DRC1: variants seen among roughly 807,000 people sequenced by gnomAD.
The protein encoded by DRC1 is dynein regulatory complex subunit 1, also known as dynein regulatory complex protein 1.
A neutral mutation model predicts 98.7 loss-of-function variants in DRC1; 74 were observed. The ratio of observed to expected loss-of-function variants is 0.75; its 90% confidence interval spans 0.62 to 0.91. The LOEUF (loss-of-function observed/expected upper bound fraction) is 0.91, where lower values mean the gene tolerates loss of function less well. Ranked by LOEUF, DRC1 falls within the 40% of genes least tolerant of loss-of-function variation. The pLI is 0.00. For missense variants in DRC1, 875 were observed against 886.0 expected (o/e 0.99, Z 0.16); for synonymous variants, 336 against 334.1 (o/e 1.01, Z -0.06).
chr2:26,406,235 T>C (rs1028236263), intron 1 of DRC1, among the ~76,000 whole-genome samples: 7 of 152,238 alleles, frequency 4.6e-5, no homozygotes, highest in African/African-American at 1.2e-4. Flanking sequence ...ATTTTACTAC[T>C]GACATTGTTT....
intron 4 of DRC1, among the ~76,000 whole-genome samples, chr2:26,427,332 T>A (rs1336898906): frequency 6.6e-6 from 1 of 152,104 alleles, no homozygotes; most frequent in East Asian, 1.9e-4. Flanking sequence ...CCAAGTCTGG[T>A]CTCAAACTCC....
chr2:26,409,687 A>T (rs1235633798), intron 1 of DRC1, among the ~76,000 whole-genome samples: 1 of 152,256 alleles, frequency 6.6e-6, no homozygotes, highest in African/African-American at 2.4e-5. Context: ...TCAAAGTTCT[A>T]AAATTACATG....
At chr2:26,430,958 C>CTTTTTT (rs5830013) in intron 6 of DRC1, 86 bp downstream of exon 6, 15 of 344,798 alleles carry the variant, frequency 4.4e-5, no homozygotes, top group Non-Finnish European at 5.5e-5. Context: ...CTTTTTCTAT[C>CTTTTTT]TTTTTTTTTT....
chr2:26,430,833 G>T lies in DRC1; in HGVS notation c.726G>T (p.Lys242Asn). ...ERQELLASNK[K>N]KWEQALQAHN... ...AAGAGCTACTGGCCAGTAATAAGAA[G>T]AAATGGGAGCAAGCCCTTCAGGCTC... The change falls in exon 6 of 17, where the codon AAG becomes AAT. Residue 242 changes from lysine to asparagine, a missense_variant. Physicochemically the swap from Lys to Asn is moderately conservative, Grantham distance 94 (BLOSUM62 0). Transcript: ENST00000288710. 6.2e-7 allele frequency: 1 copy of T among 1,614,066 alleles called. No individual in the cohort carries two copies. Among genetic ancestry groups the T allele is most frequent in the Non-Finnish European group, 8.5e-7 (1 of 1,179,958 alleles).
rs369439332 is a variant in DRC1 at position 26,431,873 on chromosome 2, T to C, written c.766-11T>C. The C allele has an allele frequency of 6.8e-6, 11 of 1,613,178 alleles. No homozygotes were observed. The African/African-American group carries it at 1.2e-4, about 18-fold the overall frequency. On this transcript the variant is annotated splice_polypyrimidine_tract_variant and intron_variant, in intron 6 of 16. Coordinates refer to ENST00000288710, the MANE Select transcript of DRC1 (RefSeq NM_145038.5). ...GTCCCTAACTTTTCCCTTGTCTTCC[T>C]GTGCCTTTAGCTGGAGTATCTTAAC... is the stretch of plus-strand genomic sequence containing the variant.
At chr2:26,453,703 A>G (rs916618847) in intron 14 of DRC1, among the ~76,000 whole-genome samples, 154 bp downstream of exon 14, 6 of 152,212 alleles carry the variant, frequency 3.9e-5, no homozygotes, top group Admixed American at 1.3e-4. Flanking sequence ...GGGGCAACCA[A>G]TCGCTGGACA....
intron 3 of DRC1, among the ~76,000 whole-genome samples, 191 bp downstream of exon 3, chr2:26,421,591 G>A (rs543469219): frequency 1.1e-4 from 13 of 121,438 alleles, no homozygotes; most frequent in African/African-American, 3.5e-4. Flanking sequence ...ACAGAGTTTC[G>A]CTCTTGTTGC....
At chr2:26,428,772 T>A (rs955154060) in intron 4 of DRC1, among the ~76,000 whole-genome samples, 1 of 151,518 alleles carries the variant, frequency 6.6e-6, no homozygotes, top group African/African-American at 2.4e-5. Context: ...CACTCCAGCC[T>A]GGGCAACAGA....
intron 2 of DRC1, among the ~76,000 whole-genome samples, chr2:26,418,553 A>T (rs1678893226): frequency 2.7e-5 from 3 of 111,770 alleles, no homozygotes; most frequent in South Asian, 2.4e-4. Context: ...TAAATTATAT[A>T]TAATTTATAT....
At chr2:26,405,661 T>G (rs1200845812) in intron 1 of DRC1, among the ~76,000 whole-genome samples, 1 of 138,124 alleles carries the variant, frequency 7.2e-6, no homozygotes, top group Non-Finnish European at 1.6e-5. Context: ...ATCTTTTTTT[T>G]TTTTTTTTTT....
At chr2:26,443,866 G>C (rs899545178) in intron 8 of DRC1, among the ~76,000 whole-genome samples, 1 of 152,072 alleles carries the variant, frequency 6.6e-6, no homozygotes, top group Non-Finnish European at 1.5e-5. Context: ...CAATGAAATC[G>C]TTGAGATAGA....
intron 12 of DRC1, 114 bp downstream of exon 12, chr2:26,450,199 C>A: frequency 1.0e-6 from 1 of 958,176 alleles, no homozygotes; most frequent in South Asian, 1.5e-5. Flanking sequence ...GGGGCTTCCC[C>A]TGCTCCCTGT....
intron 1 of DRC1, among the ~76,000 whole-genome samples, chr2:26,406,876 G>T (rs1172084413): frequency 2.1e-5 from 3 of 141,690 alleles, no homozygotes; most frequent in Non-Finnish European, 4.5e-5. Flanking sequence ...GGAATGCAGT[G>T]GTGTGACCTT....
rs1036668603 is a variant in DRC1 at position 26,421,392 on chromosome 2, G to A, written c.348G>A (p.Lys116=). ...IHRRVEEEEI[K]RQRIEKLENE... ...GGAGAGTCGAAGAAGAGGAGATAAAGCGTCAAAGGTAAGGACTGTGCTACT... is the reference window on the plus strand; with the variant it reads ...GGAGAGTCGAAGAAGAGGAGATAAAACGTCAAAGGTAAGGACTGTGCTACT... Residue 116 remains lysine, a synonymous_variant, in exon 3 of 17, where the codon AAG becomes AAA. Coordinates refer to ENST00000288710, the MANE Select transcript of DRC1 (RefSeq NM_145038.5). The A allele has an allele frequency of 3.7e-6, 6 of 1,612,824 alleles. No homozygotes were observed. The highest frequency in any genetic ancestry group is 1.1e-5 in the South Asian group (1 of 91,040).
intron 2 of DRC1, among the ~76,000 whole-genome samples, chr2:26,416,978 A>G (rs1678826815): frequency 6.6e-6 from 1 of 152,116 alleles, no homozygotes; most frequent in Non-Finnish European, 1.5e-5. Flanking sequence ...CAGGAGCAGG[A>G]GTGAGAGAGA....
chr2:26,403,508 A>G (rs1678319425), intron 1 of DRC1, among the ~76,000 whole-genome samples: 1 of 152,210 alleles, frequency 6.6e-6, no homozygotes, highest in Admixed American at 6.5e-5. Context: ...AAAACCATTT[A>G]AAATTGTAAA....
chr2:26,403,876 G>A (rs886079429), intron 1 of DRC1, among the ~76,000 whole-genome samples: 1 of 151,774 alleles, frequency 6.6e-6, no homozygotes, highest in Admixed American at 6.6e-5. Flanking sequence ...TGAGGCGGGC[G>A]GGATCACGAG....
At chr2:26,430,629 C>T (rs1261891516) in intron 5 of DRC1, 157 bp from the exon 6 acceptor site, 1 of 780,538 alleles carries the variant, frequency 1.3e-6, no homozygotes. Context: ...CTTCCATAGC[C>T]ATTTGGTCTT....
At chr2:26,455,259 G>A in intron 16 of DRC1, 26 bp downstream of exon 16, 1 of 1,605,936 alleles carries the variant, frequency 6.2e-7, no homozygotes, top group Non-Finnish European at 8.5e-7. Context: ...TTCCAAGGAG[G>A]GGCAGCGGGA....
Sources: gnomAD v4.1 joint callset for allele counts (sites outside exome capture counted in the v4.1 genomes callset) on GRCh38, gnomAD v4.1.1 for gene constraint, MANE v1.5 for transcripts, NCBI Gene and HGNC (gene_info 2026-07-23, HGNC 2026-07-21) for gene names.